Variants in CADPS2 observed in about 807,000 individuals in gnomAD.
The protein encoded by CADPS2 is calcium-dependent secretion activator 2.
A neutral mutation model predicts 172.5 loss-of-function variants in CADPS2; 93 were observed. The observed-to-expected ratio is 0.54, with a 90% CI of 0.46 to 0.64. CADPS2 has a LOEUF of 0.64. Ranked by LOEUF, CADPS2 falls within the 30% of genes least tolerant of loss-of-function variation. The probability of loss-of-function intolerance (pLI) is 0.00; values close to 1 mark genes in which losing one functional copy is unlikely to be tolerated. For synonymous variants in CADPS2, 546 were observed against 555.2 expected (o/e 0.98, Z 0.23); for missense variants, 1,420 against 1,565.9 (o/e 0.91, Z 1.57).
At chr7:122,364,756 ATTTTG>A (rs2040641509) in intron 25 of CADPS2, among the ~76,000 whole-genome samples, 1 of 151,594 alleles carries the variant, frequency 6.6e-6, no homozygotes, top group Non-Finnish European at 1.5e-5. Context: ...AATAAGTGTC[ATTTTG>A]TTTTAATTAT....
At chr7:122,411,693 G>C (rs115900415) in intron 19 of CADPS2, among the ~76,000 whole-genome samples, 1 of 152,056 alleles carries the variant, frequency 6.6e-6, no homozygotes, top group Admixed American at 6.6e-5. Flanking sequence ...AATCCTAAAG[G>C]TTCTGGAGAC....
intron 17 of CADPS2, among the ~76,000 whole-genome samples, chr7:122,430,710 C>T (rs1448991235): frequency 6.6e-6 from 1 of 152,148 alleles, no homozygotes; most frequent in Non-Finnish European, 1.5e-5. Context: ...CAGCTGCTTT[C>T]TAGAAATGTC....
chr7:122,577,128 G>A (rs2068156842), intron 7 of CADPS2, among the ~76,000 whole-genome samples: 1 of 152,016 alleles, frequency 6.6e-6, no homozygotes, highest in Admixed American at 6.6e-5. Flanking sequence ...CTGCCACCCT[G>A]TGAAGAAGTG....
chr7:122,631,694 CTTTTT>C lies in CADPS2; in HGVS notation c.787-2371_787-2367del, dbSNP rs61656656. On this transcript the variant is annotated intron_variant, in intron 3 of 29. Coordinates refer to ENST00000449022, the MANE Select transcript of CADPS2 (RefSeq NM_017954.11). Reference sequence around the variant, plus strand: ...GCACTGGGACACTACATTGTCTTTTCTTTTTTTTTTAATTTCAGATTTGGAGGGGG... The same window carrying C: ...GCACTGGGACACTACATTGTCTTTTCTTTTTAATTTCAGATTTGGAGGGGG... Among the ~76,000 whole-genome samples the C allele has an allele frequency of 2.0e-3, 299 of 149,732 alleles. 1 individual carries two copies. The highest frequency in any genetic ancestry group is 6.9e-3 in the African/African-American group (284 of 40,884).
chr7:122,732,797 T>TGTA (rs1554374263), intron 2 of CADPS2, among the ~76,000 whole-genome samples: 3 of 142,762 alleles, frequency 2.1e-5, no homozygotes, highest in Non-Finnish European at 4.6e-5. Flanking sequence ...TATATATACA[T>TGTA]TATATATTAT....
At position 122,451,473 on chromosome 7, in the gene CADPS2, G is replaced by T; in HGVS notation, c.2189C>A (p.Pro730His). ...CACTGAAACAGTCCCAATTCCATCA[G>T]GCCTGAAAAAAAAATCAGAATCAAT... is the stretch of plus-strand genomic sequence containing the variant. ...FCASHVHGNR[P>H]DGIGTVSVEE... is the part of the protein sequence containing the mutation. Residue 730 changes from proline (P) to histidine (H), a missense_variant and splice_region_variant, in exon 15 of 30, where the codon CCT (proline) becomes CAT (histidine). Physicochemically the swap from Pro to His is moderately conservative, Grantham distance 77 (BLOSUM62 -2). Coordinates refer to ENST00000449022, the MANE Select transcript of CADPS2 (RefSeq NM_017954.11). 2 of 1,543,130 alleles carry T rather than the reference G, an allele frequency of 1.3e-6. No homozygotes were observed. Among genetic ancestry groups the T allele is most frequent in the Non-Finnish European group, 1.8e-6 (2 of 1,141,480 alleles).
chr7:122,835,720 G>A (rs897008254), intron 1 of CADPS2, among the ~76,000 whole-genome samples: 1 of 152,050 alleles, frequency 6.6e-6, no homozygotes, highest in African/African-American at 2.4e-5. Context: ...GAAGTGAGAA[G>A]TTTAGAGAAA....
At chr7:122,370,970 TA>T (rs2041693124) in intron 25 of CADPS2, among the ~76,000 whole-genome samples, 1 of 152,172 alleles carries the variant, frequency 6.6e-6, no homozygotes, top group Non-Finnish European at 1.5e-5. Context: ...AAGATATTAT[TA>T]GGAATTCCAG....
At chr7:122,485,107 T>C (rs939639182) in intron 11 of CADPS2, among the ~76,000 whole-genome samples, 37 of 152,166 alleles carry the variant, frequency 2.4e-4, no homozygotes, top group Admixed American at 5.9e-4. Flanking sequence ...TCTCTCTCCC[T>C]TTTCTTGGGC....
At chr7:122,522,204 T>G (rs2060860009) in intron 8 of CADPS2, among the ~76,000 whole-genome samples, 1 of 152,062 alleles carries the variant, frequency 6.6e-6, no homozygotes, top group Non-Finnish European at 1.5e-5. Context: ...AAACTCCACT[T>G]CCCAGATTCA....
intron 8 of CADPS2, among the ~76,000 whole-genome samples, chr7:122,544,248 T>C (rs12668581): frequency 0.2 from 30,706 of 152,016 alleles, 3,330 homozygotes; most frequent in East Asian, 0.37. Flanking sequence ...GGAAAGATTA[T>C]ATATATGCAC....
At position 122,828,647 on chromosome 7, in the gene CADPS2, G is replaced by C. The variant is rs570994540; in HGVS notation, c.339+57352C>G. ...AGTTATCTGTTCCTTCCTTCTTCCT[G>C]GTTCTCTAAGATTTATTCTATGATT... On this transcript the variant is annotated intron_variant, in intron 1 of 29. Coordinates refer to ENST00000449022, the MANE Select transcript of CADPS2 (RefSeq NM_017954.11). Among the ~76,000 whole-genome samples the C allele has an allele frequency of 2.0e-5, 3 of 152,160 alleles. No individual in the cohort carries two copies. In the East Asian group the frequency reaches 5.8e-4, roughly 29 times the overall value.
At chr7:122,625,270 A>G (rs1004801252) in intron 4 of CADPS2, among the ~76,000 whole-genome samples, 10 of 151,938 alleles carry the variant, frequency 6.6e-5, no homozygotes, top group African/African-American at 2.4e-4. Context: ...GGCTGGTCTC[A>G]AACTCCCGAC....
At chr7:122,564,310 A>G (rs960380729) in intron 7 of CADPS2, among the ~76,000 whole-genome samples, 1 of 152,062 alleles carries the variant, frequency 6.6e-6, no homozygotes, top group Non-Finnish European at 1.5e-5. Flanking sequence ...TTATTTATTT[A>G]TTTATTTATT....
At chr7:122,568,006 A>G (rs2066689888) in intron 7 of CADPS2, among the ~76,000 whole-genome samples, 1 of 152,182 alleles carries the variant, frequency 6.6e-6, no homozygotes, top group Admixed American at 6.6e-5. Flanking sequence ...AATGGATAAT[A>G]AAGACACAAT....
intron 15 of CADPS2, among the ~76,000 whole-genome samples, chr7:122,446,723 C>A (rs1383463110): frequency 6.6e-6 from 1 of 152,176 alleles, no homozygotes; most frequent in African/African-American, 2.4e-5. Flanking sequence ...AGACCTCTGA[C>A]CTGAAATCTC....
In CADPS2 at chr7:122,726,911, T is replaced by G. The variant is rs546614943; in HGVS notation, c.453+10044A>C. Reference sequence around the variant, plus strand: ...GTAAAATGAATAAAACTAAATAACTTCCTGAGGAAAGGCATTTAAAGTTAA... The same window carrying G: ...GTAAAATGAATAAAACTAAATAACTGCCTGAGGAAAGGCATTTAAAGTTAA... On this transcript the variant is annotated intron_variant, in intron 2 of 29. Coordinates refer to ENST00000449022, the MANE Select transcript of CADPS2 (RefSeq NM_017954.11). Among the ~76,000 whole-genome samples the G allele has an allele frequency of 8.6e-5, 13 of 151,924 alleles. No homozygotes were observed. In the Admixed American group the frequency reaches 8.6e-4, roughly 10 times the overall value.
intron 28 of CADPS2, among the ~76,000 whole-genome samples, chr7:122,339,156 T>C (rs2036377718): frequency 6.6e-6 from 1 of 152,182 alleles, no homozygotes; most frequent in Non-Finnish European, 1.5e-5. Context: ...GCATTCCTAG[T>C]AAACAGGCTG....
chr7:122,701,767 G>A, intron 2 of CADPS2: 1 of 1,093,726 alleles, frequency 9.1e-7, no homozygotes, highest in South Asian at 1.5e-5. Flanking sequence ...AGTACAATAA[G>A]ACAATTTATC....
Sources: gnomAD v4.1 joint callset for allele counts (sites outside exome capture counted in the v4.1 genomes callset) on GRCh38, gnomAD v4.1.1 for gene constraint, MANE v1.5 for transcripts, NCBI Gene and HGNC (gene_info 2026-07-23, HGNC 2026-07-21) for gene names.